The following LIPK variants were observed in gnomAD, a reference collection of about 807,000 sequenced individuals.
LIPK encodes lipase member K.
In LIPK, 32 loss-of-function variants were observed where a neutral mutation model predicts 48.6. That is an observed-to-expected ratio of 0.66 (90% CI 0.50 to 0.88). The LOEUF (loss-of-function observed/expected upper bound fraction) is 0.88, where lower values mean the gene tolerates loss of function less well. Among genes scored for constraint, LIPK ranks in the 40% least tolerant of loss-of-function variants. LIPK has a pLI of 0.00. For missense variants in LIPK, 507 were observed against 478.5 expected, an observed-to-expected ratio of 1.06 and a Z score of -0.56; for synonymous variants, 164 against 157.4, an observed-to-expected ratio of 1.04 and a Z score of -0.32.
intron 1 of LIPK, among the ~76,000 whole-genome samples, chr10:88,716,426 C>T (rs1028264158): frequency 4.9e-5 from 7 of 144,240 alleles, no homozygotes; most frequent in Admixed American, 1.4e-4. Flanking sequence ...GGCCCGATCT[C>T]GGTTCACTGC....
rs548265148 is a variant in LIPK at position 88,713,407 on chromosome 10, T to C, written c.-12+7087T>C. The stretch of plus-strand genomic sequence containing the variant: ...ATTTTGATTTTTTGTTGTATTACCA[T>C]AACAGTGTTTTTATTTCTGGCGACT... On this transcript the variant is annotated intron_variant, in intron 1 of 9. Transcript: ENST00000404190. Among the ~76,000 whole-genome samples, 202 of 147,222 alleles carry C rather than the reference T, an allele frequency of 1.4e-3. 1 individual carries two copies. Among genetic ancestry groups the C allele is most frequent in the African/African-American group, 4.9e-3 (193 of 39,780 alleles).
rs746321332 is a variant in LIPK, at chr10:88,737,720, G to T, written c.755G>T (p.Arg252Leu). The T allele has an allele frequency of 6.2e-7, 1 of 1,613,694 alleles. No homozygotes were observed. The highest frequency in any genetic ancestry group is 1.3e-5 in the African/African-American group (1 of 74,910). Residue 252 changes from arginine to leucine, a missense_variant, in exon 7 of 10, where the codon CGT (arginine) becomes CTT (leucine). Transcript: ENST00000404190. ...ATKVCNRKLF[R>L]RICSNFLFTL... ...AAAGTGTGCAATCGAAAGCTATTCCGTCGTATTTGCAGCAACTTCCTATTT... is the reference window on the plus strand; with the variant it reads ...AAAGTGTGCAATCGAAAGCTATTCCTTCGTATTTGCAGCAACTTCCTATTT...
At chr10:88,732,047 A>C in intron 4 of LIPK, 131 bp from the exon 5 acceptor site, 1 of 556,866 alleles carries the variant, frequency 1.8e-6, no homozygotes, top group Non-Finnish European at 3.1e-6. Flanking sequence ...ATAGTTGCCT[A>C]ATATCATATA....
intron 8 of LIPK, 82 bp downstream of exon 8, chr10:88,740,149 G>A: frequency 2.1e-6 from 2 of 945,620 alleles, no homozygotes; most frequent in Non-Finnish European, 3.1e-6. Context: ...TCACTGCAGG[G>A]TTCTGCTGGC....
chr10:88,709,733 A>G (rs1042820197), intron 1 of LIPK, among the ~76,000 whole-genome samples: 6 of 152,102 alleles, frequency 3.9e-5, no homozygotes, highest in Non-Finnish European at 5.9e-5. Context: ...TCCTTTCCCA[A>G]TACCAATGTC....
chr10:88,709,503 A>G (rs1008171215), intron 1 of LIPK, among the ~76,000 whole-genome samples: 14 of 147,830 alleles, frequency 9.5e-5, no homozygotes, highest in Admixed American at 1.4e-4. Context: ...TTCAACTCTC[A>G]CCTATGAGTG....
intron 9 of LIPK, among the ~76,000 whole-genome samples, chr10:88,748,014 C>A (rs1842799112): frequency 6.6e-6 from 1 of 152,038 alleles, no homozygotes; most frequent in Non-Finnish European, 1.5e-5. Flanking sequence ...ACGGAAATGC[C>A]CATCAATAAT....
chr10:88,712,788 T>C (rs947548486), intron 1 of LIPK, among the ~76,000 whole-genome samples: 1 of 152,206 alleles, frequency 6.6e-6, no homozygotes, highest in African/African-American at 2.4e-5. Context: ...GTGTGATTCT[T>C]ACTGTTACCA....
At chr10:88,739,923 A>C (rs1246283556) in intron 7 of LIPK, 73 bp from the exon 8 acceptor site, 2 of 889,946 alleles carry the variant, frequency 2.2e-6, no homozygotes, top group Admixed American at 4.8e-5. Context: ...GAAACTTTTT[A>C]AATTTCTCTC....
rs1446830915 is a variant in LIPK at position 88,752,606 on chromosome 10, T to C, written c.1050T>C (p.Asp350=). The C allele has an allele frequency of 6.4e-7, 1 of 1,572,574 alleles. No individual in the cohort carries two copies. Among genetic ancestry groups the C allele is most frequent in the Admixed American group, 1.8e-5 (1 of 54,088 alleles). Residue 350 remains aspartate (D), a synonymous_variant, in exon 10 of 10, where the codon GAT becomes GAC. Transcript: ENST00000404190. ...GGQDIVADPK[D]VENLLPQIAN... is the part of the protein sequence containing the mutation. Reference sequence around the variant, plus strand: ...AGGACATTGTGGCTGATCCCAAGGATGTTGAAAATTTACTTCCTCAAATTG... The same window carrying C: ...AGGACATTGTGGCTGATCCCAAGGACGTTGAAAATTTACTTCCTCAAATTG...
chr10:88,715,751 C>A (rs1412126366), intron 1 of LIPK, among the ~76,000 whole-genome samples: 2 of 151,002 alleles, frequency 1.3e-5, no homozygotes, highest in African/African-American at 4.9e-5. Flanking sequence ...GTTTCTCTTT[C>A]TTTCTTTCTT....
At chr10:88,747,791 A>G (rs2776658) in intron 9 of LIPK, among the ~76,000 whole-genome samples, 36,445 of 152,064 alleles carry the variant, frequency 0.24, 4,528 homozygotes, top group East Asian at 0.37. Flanking sequence ...AAATAGGAAC[A>G]CTTTTACACT....
At chr10:88,727,819 G>T in intron 3 of LIPK, 2 of 365,942 alleles carry the variant, frequency 5.5e-6, no homozygotes, top group South Asian at 2.5e-5. Flanking sequence ...AGCAGATCAA[G>T]ACCCTGAACA....
At chr10:88,728,120 T>G in intron 3 of LIPK, 1 of 267,562 alleles carries the variant, frequency 3.7e-6, no homozygotes, top group South Asian at 4.3e-5. Context: ...AGGATGTGGT[T>G]AAAGCTTACA....
At chr10:88,750,420 C>A (rs1169982006) in intron 9 of LIPK, among the ~76,000 whole-genome samples, 1 of 151,914 alleles carries the variant, frequency 6.6e-6, no homozygotes. Context: ...AAGAGGTGAA[C>A]TGAATAAAGA....
At chr10:88,719,191 G>A (rs957037407) in intron 1 of LIPK, among the ~76,000 whole-genome samples, 4 of 152,088 alleles carry the variant, frequency 2.6e-5, no homozygotes, top group Admixed American at 6.6e-5. Flanking sequence ...ATGTTTTATA[G>A]ACATTATTTA....
At chr10:88,741,238 A>T (rs1393353383) in intron 8 of LIPK, among the ~76,000 whole-genome samples, 1 of 152,148 alleles carries the variant, frequency 6.6e-6, no homozygotes, top group East Asian at 1.9e-4. Context: ...GTCTCAAAAA[A>T]AAGCGTGCAG....
chr10:88,730,512 G>A (rs1365862999), intron 3 of LIPK, among the ~76,000 whole-genome samples: 1 of 152,026 alleles, frequency 6.6e-6, no homozygotes, highest in African/African-American at 2.4e-5. Context: ...GGATGGCCTC[G>A]ATCTCCTGAC....
At chr10:88,713,941 C>T (rs1429756254) in intron 1 of LIPK, among the ~76,000 whole-genome samples, 2 of 151,634 alleles carry the variant, frequency 1.3e-5, no homozygotes, top group South Asian at 2.1e-4. Flanking sequence ...CAGAGCAAGA[C>T]TCTGTCTCAA....
Sources: allele counts gnomAD v4.1 joint callset (sites outside exome capture counted in the v4.1 genomes callset), GRCh38; gene constraint gnomAD v4.1.1; transcripts MANE v1.5; gene names NCBI Gene and HGNC (gene_info 2026-07-23, HGNC 2026-07-21).